Variants in FAM117B observed in about 807,000 individuals in gnomAD.
The protein encoded by FAM117B is protein FAM117B.
Under a neutral mutation model 52.8 loss-of-function variants are expected in FAM117B, and 22 were observed. That is an observed-to-expected ratio of 0.42 (90% CI 0.30 to 0.59). The LOEUF is 0.59. FAM117B is among the 20% of genes least tolerant of loss of function. The probability of loss-of-function intolerance (pLI) is 0.22; values close to 1 mark genes in which losing one functional copy is unlikely to be tolerated. For missense variants in FAM117B, 678 were observed against 802.6 expected (o/e 0.84, Z 1.88); for synonymous variants, 309 against 324.1 (o/e 0.95, Z 0.50).
At chr2:202,690,988 A>T (rs2105774427) in intron 1 of FAM117B, among the ~76,000 whole-genome samples, 1 of 152,166 alleles carries the variant, frequency 6.6e-6, no homozygotes, top group East Asian at 1.9e-4. Flanking sequence ...ATTCTTTTTA[A>T]TTTCTAGGGC....
chr2:202,639,580 A>T (rs1184121403), intron 1 of FAM117B, among the ~76,000 whole-genome samples: 2 of 152,198 alleles, frequency 1.3e-5, no homozygotes, highest in African/African-American at 4.8e-5. Flanking sequence ...AAATGGAGAG[A>T]TGGTATAACA....
intron 1 of FAM117B, among the ~76,000 whole-genome samples, chr2:202,695,393 T>C (rs1690695610): frequency 6.6e-6 from 1 of 152,160 alleles, no homozygotes; most frequent in Non-Finnish European, 1.5e-5. Flanking sequence ...AATGTCTTGC[T>C]ATCTCGCATC....
intron 4 of FAM117B, among the ~76,000 whole-genome samples, chr2:202,754,865 G>T (rs1311089028): frequency 1.5e-5 from 2 of 133,728 alleles, no homozygotes; most frequent in Non-Finnish European, 3.1e-5. Flanking sequence ...GCTCCAACCT[G>T]GGTGACAGAG....
intron 1 of FAM117B, among the ~76,000 whole-genome samples, chr2:202,640,295 AATATATATATATATATAT>A (rs539187347): frequency 0.034 from 1,748 of 51,316 alleles, 155 homozygotes; most frequent in African/African-American, 0.14. Context: ...ACCACCACAA[AATATATATATATATATAT>A]ATATATATAT....
chr2:202,703,783 A>G (rs1236383465), intron 2 of FAM117B, among the ~76,000 whole-genome samples: 2 of 152,210 alleles, frequency 1.3e-5, no homozygotes, highest in Admixed American at 1.3e-4. Flanking sequence ...TGCAGTGTAC[A>G]TGCAAGTATC....
In FAM117B at chr2:202,672,833, G is replaced by A. The variant is rs555309374; in HGVS notation, c.602-23048G>A. On this transcript the variant is annotated intron_variant, in intron 1 of 7. Coordinates refer to ENST00000392238, the MANE Select transcript of FAM117B (RefSeq NM_173511.4). ...GAGGATTGTTTGAGACCAGGAGTTC[G>A]TGACCAGCCTGGGCAACATCATGGC... Among the ~76,000 whole-genome samples, 8 of 152,068 alleles carry A rather than the reference G, an allele frequency of 5.3e-5. No individual in the cohort carries two copies. In the South Asian group the frequency reaches 1.5e-3, roughly 28 times the overall value.
intron 2 of FAM117B, among the ~76,000 whole-genome samples, chr2:202,723,938 T>C (rs1290200794): frequency 2.0e-5 from 3 of 152,132 alleles, no homozygotes; most frequent in Non-Finnish European, 4.4e-5. Context: ...AACTTTCATT[T>C]CCCTTCTTAT....
At position 202,668,514 on chromosome 2, in the gene FAM117B, C is replaced by T. The variant is rs372030638; in HGVS notation, c.602-27367C>T. ...CTGCACTCCAGACTGTGTGACAGAGCGAGACTCTCTCTCAAAAAAAAAAAA... is the reference window on the plus strand; with the variant it reads ...CTGCACTCCAGACTGTGTGACAGAGTGAGACTCTCTCTCAAAAAAAAAAAA... On this transcript the variant is annotated intron_variant, in intron 1 of 7. Transcript: ENST00000392238. Among the ~76,000 whole-genome samples the T allele has an allele frequency of 8.4e-4, 100 of 118,738 alleles. 2 individuals are homozygous for T. The East Asian group carries it at 0.019, about 22-fold the overall frequency. 77.9% of individuals were successfully genotyped at this position (118,738 alleles called of 152,430 possible).
rs1559119001 is a variant in FAM117B at position 202,766,093 on chromosome 2, CACACACA to C, written c.*330_*336del. 21 of 238,450 alleles carry C rather than the reference CACACACA, an allele frequency of 8.8e-5. No individual in the cohort carries two copies. The highest frequency in any genetic ancestry group is 1.6e-4 in the Non-Finnish European group (20 of 121,400). The allele number at this position is 238,450 out of a possible 1,614,324, so 14.8% of individuals were successfully genotyped here. ...ACACACACACACACACACACACACA[CACACACA>C]CACACACCCCTGATCCTTGCCAACA... On this transcript the variant is annotated 3_prime_UTR_variant, in exon 8 of 8. Transcript: ENST00000392238.
Position 202,769,011 on chromosome 2 carries a change from G to T in FAM117B, c.*3247G>T, listed in dbSNP as rs1429015896. 1 of 151,998 alleles carries T rather than the reference G, an allele frequency of 6.6e-6. No individual in the cohort carries two copies. Among genetic ancestry groups the T allele is most frequent in the Non-Finnish European group, 1.5e-5 (1 of 67,990 alleles). 9.4% of individuals were successfully genotyped at this position (151,998 alleles called of 1,614,324 possible). ...ACGCAACTGTGTTTTAAAAATACCGGTTTTGCCTCTTTGGTTACATGTGGT... is the reference window on the plus strand; with the variant it reads ...ACGCAACTGTGTTTTAAAAATACCGTTTTTGCCTCTTTGGTTACATGTGGT... On this transcript the variant is annotated 3_prime_UTR_variant, in exon 8 of 8. Coordinates refer to ENST00000392238, the MANE Select transcript of FAM117B (RefSeq NM_173511.4).
In FAM117B at chr2:202,635,783, A is replaced by G; in HGVS notation, c.596A>G (p.Lys199Arg). Residue 199 changes from lysine to arginine, a missense_variant, in exon 1 of 8, where the codon AAA becomes AGA. Around this residue, in one of 3 missense-constraint regions of FAM117B, gnomAD observed 583 missense variants for 644.8 expected, o/e 0.90. Transcript: ENST00000392238. Reference protein sequence around the residue: ...EKRSPSAPVCKAGDKTRQPSS... With the variant: ...EKRSPSAPVCRAGDKTRQPSS... ...AGGAGCCCCAGCGCCCCGGTTTGCA[A>G]AGCAGGTAAGTGCTGGGGGTCGCGC... The G allele has an allele frequency of 6.9e-7, 1 of 1,450,594 alleles. No individual in the cohort carries two copies. The highest frequency in any genetic ancestry group is 9.1e-7 in the Non-Finnish European group (1 of 1,103,564). 89.9% of individuals were successfully genotyped at this position (1,450,594 alleles called of 1,614,324 possible).
intron 2 of FAM117B, among the ~76,000 whole-genome samples, chr2:202,697,728 T>TAC (rs1690734048): frequency 6.6e-6 from 1 of 152,040 alleles, no homozygotes; most frequent in African/African-American, 2.4e-5. Context: ...TTTTGTACTT[T>TAC]TAGTAGAGAC....
At chr2:202,720,225 A>G (rs62194147) in intron 2 of FAM117B, among the ~76,000 whole-genome samples, 27,607 of 151,926 alleles carry the variant, frequency 0.18, 3,241 homozygotes, top group South Asian at 0.38. Context: ...AATACTTTCT[A>G]ATGGAGGTAT....
At chr2:202,712,414 G>GCT (rs1160579951) in intron 2 of FAM117B, among the ~76,000 whole-genome samples, 1 of 138,666 alleles carries the variant, frequency 7.2e-6, no homozygotes, top group South Asian at 2.2e-4. Flanking sequence ...GAATTTATCA[G>GCT]CTCTCTTTTT....
At position 202,768,706 on chromosome 2, in the gene FAM117B, A is replaced by G. The variant is rs964779070; in HGVS notation, c.*2942A>G. 1.3e-5 allele frequency: 2 copies of G among 152,592 alleles called. No homozygotes were observed. Among genetic ancestry groups the G allele is most frequent in the African/African-American group, 4.8e-5 (2 of 41,450 alleles). 9.5% of individuals were successfully genotyped at this position (152,592 alleles called of 1,614,324 possible). ...ATGTTGGTTTCTAAAGTTACACTCC[A>G]TAATTATTGTTATTCTGTAGAAAAC... On this transcript the variant is annotated 3_prime_UTR_variant, in exon 8 of 8. Coordinates refer to ENST00000392238, the MANE Select transcript of FAM117B (RefSeq NM_173511.4).
chr2:202,726,402 T>C, intron 4 of FAM117B, 39 bp downstream of exon 4: 1 of 1,479,798 alleles, frequency 6.8e-7, no homozygotes, highest in African/African-American at 1.4e-5. Context: ...AAAAGGAATT[T>C]GTTGTTTTTC....
chr2:202,691,293 C>T (rs1690618020), intron 1 of FAM117B, among the ~76,000 whole-genome samples: 1 of 152,148 alleles, frequency 6.6e-6, no homozygotes, highest in East Asian at 1.9e-4. Context: ...GTGATGCATG[C>T]CTGTAATCCC....
intron 1 of FAM117B, among the ~76,000 whole-genome samples, chr2:202,676,436 G>C (rs1345722425): frequency 1.3e-5 from 2 of 149,922 alleles, no homozygotes; most frequent in Non-Finnish European, 3.0e-5. Flanking sequence ...CTGGATTGCA[G>C]TGGCGCTATC....
At chr2:202,740,894 A>G in intron 4 of FAM117B, among the ~76,000 whole-genome samples, 1 of 152,208 alleles carries the variant, frequency 6.6e-6, no homozygotes, top group Non-Finnish European at 1.5e-5. Flanking sequence ...ATGTCCATGT[A>G]TGTAGAAATA....
Sources: allele counts gnomAD v4.1 joint callset (sites outside exome capture counted in the v4.1 genomes callset), GRCh38; gene constraint gnomAD v4.1.1; regional missense constraint gnomAD v4.1.1; transcripts MANE v1.5; gene names NCBI Gene and HGNC (gene_info 2026-07-23, HGNC 2026-07-21).